KANK1: variants seen among roughly 807,000 people sequenced by gnomAD.
KANK1 encodes the protein KN motif and ankyrin repeat domain-containing protein 1.
In KANK1, 109 loss-of-function variants were observed where a neutral mutation model predicts 106.2. The ratio of observed to expected loss-of-function variants is 1.03; its 90% CI spans 0.88 to 1.20. The LOEUF (loss-of-function observed/expected upper bound fraction) is 1.20. Among genes scored for constraint, KANK1 ranks in the 50% most tolerant of loss-of-function variants. The pLI, the probability that KANK1 is intolerant of heterozygous loss-of-function variation, is 0.00. For missense variants in KANK1, 2,399 were observed against 1,710.7 expected, an observed-to-expected ratio of 1.40 and a Z score of -7.10; for synonymous variants, 873 against 652.2, an observed-to-expected ratio of 1.34 and a Z score of -5.16.
At position 708,548 on chromosome 9, in the gene KANK1, C is replaced by T. The variant is rs756519380; in HGVS notation, c.38-2256C>T. On this transcript the variant is annotated intron_variant, in intron 2 of 11. Transcript: ENST00000382297. ...TTTAAATTGGGACGTAAGGAATATA[C>T]GTCCTTTTTATTCCTCTGCTTGGCA... Among the ~76,000 whole-genome samples, 210 of 152,260 alleles carry T rather than the reference C, an allele frequency of 1.4e-3. 3 individuals are homozygous for T. Among genetic ancestry groups the T allele is most frequent in the Non-Finnish European group, 3.5e-4 (24 of 68,014 alleles).
At chr9:734,917 C>G in intron 7 of KANK1, 82 bp downstream of exon 7, 2 of 982,176 alleles carry the variant, frequency 2.0e-6, no homozygotes, top group Admixed American at 1.8e-5. Flanking sequence ...TGTAGGCTGC[C>G]CGAGCTGTTG....
intron 1 of KANK1, among the ~76,000 whole-genome samples, chr9:645,608 G>A (rs1156729212): frequency 1.3e-5 from 2 of 150,484 alleles, no homozygotes; most frequent in Admixed American, 6.6e-5. Context: ...CAGGCTGGGC[G>A]TGGTGGCTCA....
Position 745,278 on chromosome 9 carries a change from G to GCTAATTGTTC in KANK1, c.*46_*55dup. On this transcript the variant is annotated 3_prime_UTR_variant, in exon 12 of 12. Transcript: ENST00000382297. Reference sequence around the variant, plus strand: ...TTTATTTACATGCCACTATTAAGCTGCTAATTGTTCCTGTTGGGGTGACAG... The same window carrying GCTAATTGTTC: ...TTTATTTACATGCCACTATTAAGCTGCTAATTGTTCCTAATTGTTCCTGTTGGGGTGACAG... 6.2e-7 allele frequency: 1 copy of GCTAATTGTTC among 1,611,650 alleles called. No individual in the cohort carries two copies.
At chr9:708,496 C>T (rs1444149355) in intron 2 of KANK1, among the ~76,000 whole-genome samples, 2 of 152,188 alleles carry the variant, frequency 1.3e-5, no homozygotes, top group Non-Finnish European at 2.9e-5. Context: ...GTGTTAGAAT[C>T]GAACAGCTAG....
chr9:555,350 A>T (rs570910234), intron 1 of KANK1, among the ~76,000 whole-genome samples: 16 of 152,148 alleles, frequency 1.1e-4, no homozygotes, highest in African/African-American at 3.9e-4. Context: ...CACCATGTAC[A>T]TGATGGCACG....
At chr9:575,754 G>A (rs1270607874) in intron 1 of KANK1, among the ~76,000 whole-genome samples, 1 of 152,220 alleles carries the variant, frequency 6.6e-6, no homozygotes, top group African/African-American at 2.4e-5. Context: ...GGGCACAGTG[G>A]CTCATGCCTG....
chr9:639,245 T>C (rs1004981931), intron 1 of KANK1, among the ~76,000 whole-genome samples: 2 of 152,182 alleles, frequency 1.3e-5, no homozygotes, highest in East Asian at 1.9e-4. Context: ...CTCATTCTTA[T>C]CATTGGCAGT....
intron 1 of KANK1, among the ~76,000 whole-genome samples, chr9:614,555 C>G (rs565282407): frequency 2.0e-5 from 3 of 152,262 alleles, no homozygotes; most frequent in South Asian, 4.1e-4. Flanking sequence ...ATGAGTAGGA[C>G]AGTTCCTCAT....
chr9:493,970 C>A (rs1370696120), intron 3 of KANK1, among the ~76,000 whole-genome samples: 3 of 151,932 alleles, frequency 2.0e-5, no homozygotes, highest in Non-Finnish European at 4.4e-5. Context: ...ACAACTTACA[C>A]CTCCCGGGTT....
At chr9:526,170 A>G (rs2059782985) in intron 1 of KANK1, among the ~76,000 whole-genome samples, 1 of 151,722 alleles carries the variant, frequency 6.6e-6, no homozygotes, top group South Asian at 2.1e-4. Context: ...AGAAACCTGA[A>G]AAATTCTGAA....
At chr9:505,692 C>CA (rs1292731199) in intron 1 of KANK1, among the ~76,000 whole-genome samples, 8 of 152,226 alleles carry the variant, frequency 5.3e-5, no homozygotes, top group Non-Finnish European at 8.8e-5. Flanking sequence ...TGGCGTCCGC[C>CA]AGCGCTCGCT....
At chr9:598,077 T>C (rs1351436168) in intron 1 of KANK1, among the ~76,000 whole-genome samples, 1 of 151,854 alleles carries the variant, frequency 6.6e-6, no homozygotes, top group Admixed American at 6.5e-5. Context: ...TTTATTCTTT[T>C]GTATGTAGAT....
chr9:682,514 A>T (rs1817771950), intron 2 of KANK1, among the ~76,000 whole-genome samples: 1 of 152,180 alleles, frequency 6.6e-6, no homozygotes, highest in South Asian at 2.1e-4. Context: ...AATAGTTTTC[A>T]AATTATTATT....
chr9:559,225 G>C (rs954071556), intron 1 of KANK1, among the ~76,000 whole-genome samples: 3 of 152,286 alleles, frequency 2.0e-5, no homozygotes, highest in Non-Finnish European at 4.4e-5. Flanking sequence ...TAAACTAAAA[G>C]TTAATGGTAG....
In KANK1 at chr9:713,054, A is replaced by G; in HGVS notation, c.2288A>G (p.Gln763Arg). Residue 763 changes from glutamine to arginine, a missense_variant, in exon 3 of 12, where the codon CAG becomes CGG. By Grantham distance (43) the Gln-to-Arg change is conservative. Transcript: ENST00000382297. ...AVKTKESGVG[Q>R]ININDNYLVG... The stretch of plus-strand genomic sequence containing the variant: ...AAGACCAAAGAGTCAGGTGTGGGGC[A>G]GATAAATATTAACGACAACTATCTG... 1 of 1,614,192 alleles carries G rather than the reference A, an allele frequency of 6.2e-7. No individual in the cohort carries two copies. The highest frequency in any genetic ancestry group is 8.5e-7 in the Non-Finnish European group (1 of 1,180,014).
intron 2 of KANK1, among the ~76,000 whole-genome samples, chr9:692,714 G>GA (rs34071572): frequency 1.8e-4 from 27 of 147,982 alleles, no homozygotes; most frequent in South Asian, 6.4e-4. Context: ...TTCTGCTTTT[G>GA]AAAAAAAAAA....
intron 3 of KANK1, among the ~76,000 whole-genome samples, chr9:497,267 G>A (rs2058471225): frequency 6.6e-6 from 1 of 152,088 alleles, no homozygotes; most frequent in East Asian, 1.9e-4. Flanking sequence ...CATGGGCAAG[G>A]GTGAGGGAAC....
intron 1 of KANK1, among the ~76,000 whole-genome samples, chr9:639,870 C>A (rs1837996849): frequency 6.6e-6 from 1 of 152,152 alleles, no homozygotes; most frequent in African/African-American, 2.4e-5. Flanking sequence ...CCTTACATGG[C>A]AGATGGGCAA....
chr9:660,041 G>T, intron 1 of KANK1: 2 of 371,172 alleles, frequency 5.4e-6, no homozygotes, highest in South Asian at 5.2e-5. Context: ...ACAAGTAAGG[G>T]TGATACCTGT....
Sources: gnomAD v4.1 joint callset for allele counts (sites outside exome capture counted in the v4.1 genomes callset) on GRCh38, gnomAD v4.1.1 for gene constraint, MANE v1.5 for transcripts, NCBI Gene and HGNC (gene_info 2026-07-23, HGNC 2026-07-21) for gene names.